The following TSC22D1 variants were observed in gnomAD, a reference collection of about 807,000 sequenced individuals.
TSC22D1 encodes TSC22 domain family member 1, also known as TSC22 domain family protein 1.
In TSC22D1, 9 loss-of-function variants were observed where a neutral mutation model predicts 74.2. That is an observed-to-expected ratio of 0.12 (90% confidence interval 0.07 to 0.21). The LOEUF is 0.21. Among genes scored for constraint, TSC22D1 ranks in the 10% least tolerant of loss-of-function variants. The pLI, the probability that TSC22D1 is intolerant of heterozygous loss-of-function variation, is 1.00. For synonymous variants in TSC22D1, 586 were observed against 492.5 expected, an observed-to-expected ratio of 1.19 and a Z score of -2.51; for missense variants, 1,427 against 1,304.7, an observed-to-expected ratio of 1.09 and a Z score of -1.44.
chr13:44,466,419 G>A (rs1398270688), intron 1 of TSC22D1, among the ~76,000 whole-genome samples: 1 of 152,208 alleles, frequency 6.6e-6, no homozygotes, highest in Non-Finnish European at 1.5e-5. Context: ...TAAGTGGGTG[G>A]CAACAAAAGT....
chr13:44,471,452 T>C (rs1290908390), intron 1 of TSC22D1, among the ~76,000 whole-genome samples: 1 of 152,192 alleles, frequency 6.6e-6, no homozygotes, highest in East Asian at 1.9e-4. Context: ...GCCGGAATGT[T>C]AAATAAATAG....
chr13:44,506,626 T>TA (rs757070244), intron 1 of TSC22D1, among the ~76,000 whole-genome samples: 37 of 152,166 alleles, frequency 2.4e-4, no homozygotes, highest in Non-Finnish European at 4.1e-4. Context: ...TCCCAGAACT[T>TA]AAAAGTGGAT....
At chr13:44,451,084 T>G (rs956866184) in intron 1 of TSC22D1, among the ~76,000 whole-genome samples, 2 of 151,894 alleles carry the variant, frequency 1.3e-5, no homozygotes, top group South Asian at 4.2e-4. Flanking sequence ...AGCGGGGAAA[T>G]GAAGAGATCA....
intron 1 of TSC22D1, chr13:44,474,223 G>A: frequency 1.0e-6 from 1 of 985,028 alleles, no homozygotes; most frequent in Non-Finnish European, 1.2e-6. Context: ...CTCACAGCAG[G>A]ATTATCACTA....
rs1218994408 is a variant in TSC22D1, at chr13:44,575,979, G to T, written c.96C>A (p.Gly32=). 19 of 1,601,764 alleles carry T rather than the reference G, an allele frequency of 1.2e-5. No individual in the cohort carries two copies. The highest frequency in any genetic ancestry group is 1.5e-5 in the Non-Finnish European group (18 of 1,174,216). ...GAGCAGAGGCGCTGCCACTACCGCTGCCCCTTCGAGGGAACATTGCCGGGT... is the reference window on the plus strand; with the variant it reads ...GAGCAGAGGCGCTGCCACTACCGCTTCCCCTTCGAGGGAACATTGCCGGGT... ...MAHPAMFPRR[G]SGSGSASALN... Residue 32 remains glycine, a synonymous_variant, in exon 1 of 3, where the codon GGC becomes GGA. Coordinates refer to ENST00000458659, the MANE Select transcript of TSC22D1 (RefSeq NM_183422.4).
At chr13:44,497,059 A>AT (rs1879011986) in intron 1 of TSC22D1, among the ~76,000 whole-genome samples, 1 of 152,150 alleles carries the variant, frequency 6.6e-6, no homozygotes. Flanking sequence ...CCACTCTTAG[A>AT]TATTACCAAA....
rs75224709 is a variant in TSC22D1 at position 44,530,829 on chromosome 13, C to T, written c.2912+42334G>A. ...TACACACCTATTAGAGTAGCTACAACCAAATGATAACATCAAATGCTGGTG... is the reference window on the plus strand; with the variant it reads ...TACACACCTATTAGAGTAGCTACAATCAAATGATAACATCAAATGCTGGTG... On this transcript the variant is annotated intron_variant, in intron 1 of 2. Transcript: ENST00000458659. Among the ~76,000 whole-genome samples, 743 of 152,190 alleles carry T rather than the reference C, an allele frequency of 4.9e-3. 7 individuals are homozygous for T. The highest frequency in any genetic ancestry group is 0.017 in the African/African-American group (711 of 41,540).
intron 1 of TSC22D1, among the ~76,000 whole-genome samples, chr13:44,492,608 T>G (rs1878777869): frequency 6.6e-6 from 1 of 151,872 alleles, no homozygotes; most frequent in South Asian, 2.1e-4. Context: ...TGCTTTGGAG[T>G]CTGCTTTGTT....
At chr13:44,535,651 CATTT>C (rs1230284196) in intron 1 of TSC22D1, among the ~76,000 whole-genome samples, 1 of 151,178 alleles carries the variant, frequency 6.6e-6, no homozygotes, top group Non-Finnish European at 1.5e-5. Flanking sequence ...CAAAAAAAAC[CATTT>C]GTTTCCTTAC....
chr13:44,539,323 G>T, intron 1 of TSC22D1: 1 of 985,374 alleles, frequency 1.0e-6, no homozygotes, highest in Non-Finnish European at 1.2e-6. Flanking sequence ...GAGGTAGGAA[G>T]AAGACCAAAA....
chr13:44,489,181 CT>C (rs1408569957), intron 1 of TSC22D1, among the ~76,000 whole-genome samples: 4 of 140,666 alleles, frequency 2.8e-5, no homozygotes, highest in Non-Finnish European at 6.1e-5. Context: ...GAAAAAATTA[CT>C]TTTGAGCCTT....
At chr13:44,570,093 A>G (rs972213614) in intron 1 of TSC22D1, among the ~76,000 whole-genome samples, 2 of 152,206 alleles carry the variant, frequency 1.3e-5, no homozygotes, top group Admixed American at 6.5e-5. Flanking sequence ...GGCTGTGCTA[A>G]TAACAATCAC....
Position 44,573,720 on chromosome 13 carries a change from A to C in TSC22D1, c.2355T>G (p.Pro785=). The C allele has an allele frequency of 6.2e-7, 1 of 1,614,238 alleles. No individual in the cohort carries two copies. Among genetic ancestry groups the C allele is most frequent in the Non-Finnish European group, 8.5e-7 (1 of 1,180,046 alleles). Residue 785 remains proline (P), a synonymous_variant, in exon 1 of 3, where the codon CCT becomes CCG. Transcript: ENST00000458659. ...TTTGGGATGCAATAACCAATTGTTG[A>C]GGAAGGCTTGGAGCACTAGTTTGAA... ...QGVQTSAPSL[P]QQLVIASQSS...
intron 1 of TSC22D1, among the ~76,000 whole-genome samples, chr13:44,533,027 G>T (rs1265551134): frequency 3.9e-5 from 6 of 152,160 alleles, no homozygotes; most frequent in Non-Finnish European, 1.5e-5. Context: ...GTTTAAAAGA[G>T]TGTGGTATTA....
intron 1 of TSC22D1, among the ~76,000 whole-genome samples, chr13:44,459,869 C>T (rs1333935348): frequency 6.6e-6 from 1 of 152,196 alleles, no homozygotes; most frequent in Non-Finnish European, 1.5e-5. Flanking sequence ...AGGCTCGTTT[C>T]ACACACCCCT....
intron 1 of TSC22D1, among the ~76,000 whole-genome samples, chr13:44,531,924 C>T (rs988224944): frequency 1.3e-5 from 2 of 152,258 alleles, no homozygotes; most frequent in African/African-American, 4.8e-5. Flanking sequence ...TGATATATGT[C>T]CTACACTTTT....
chr13:44,438,824 GTC>G (rs568583820), intron 1 of TSC22D1, among the ~76,000 whole-genome samples: 139 of 152,184 alleles, frequency 9.1e-4, no homozygotes, highest in Non-Finnish European at 1.5e-3. Context: ...CTACATGATA[GTC>G]TCTATATTTT....
chr13:44,539,201 C>G (rs1212663681), intron 1 of TSC22D1: 9 of 985,100 alleles, frequency 9.1e-6, no homozygotes, highest in Non-Finnish European at 1.1e-5. Context: ...CTGAAACTTA[C>G]ATTCATTCAT....
At chr13:44,532,131 T>C (rs1229666501) in intron 1 of TSC22D1, among the ~76,000 whole-genome samples, 1 of 152,226 alleles carries the variant, frequency 6.6e-6, no homozygotes, top group Non-Finnish European at 1.5e-5. Context: ...AAATGGGGAC[T>C]GTACTTTTGT....
Sources: gnomAD v4.1 joint callset for allele counts (sites outside exome capture counted in the v4.1 genomes callset) on GRCh38, gnomAD v4.1.1 for gene constraint, MANE v1.5 for transcripts, NCBI Gene and HGNC (gene_info 2026-07-23, HGNC 2026-07-21) for gene names.